PPT1: variants seen among roughly 807,000 people sequenced by gnomAD.
PPT1 encodes ceroid-palmitoyl-palmitoyl-protein thioesterase 1.
A neutral mutation model predicts 44.0 loss-of-function variants in PPT1; 24 were observed. That is an observed-to-expected ratio of 0.54 (90% confidence interval 0.39 to 0.77). The LOEUF is 0.77. Ranked by LOEUF, PPT1 falls within the 30% of genes least tolerant of loss-of-function variation. The pLI, the probability that PPT1 is intolerant of heterozygous loss-of-function variation, is 0.00. For synonymous variants in PPT1, 148 were observed against 140.2 expected (o/e 1.06, Z -0.39); for missense variants, 341 against 378.8 (o/e 0.90, Z 0.83).
At chr1:40,079,438 C>T (rs552068879) in intron 6 of PPT1, among the ~76,000 whole-genome samples, 21 of 144,416 alleles carry the variant, frequency 1.5e-4, no homozygotes, top group African/African-American at 3.6e-4. Flanking sequence ...GCTCTGTCAC[C>T]GAGGCCAGAG....
chr1:40,095,630 T>C (rs1265215154), intron 1 of PPT1, among the ~76,000 whole-genome samples: 1 of 152,196 alleles, frequency 6.6e-6, no homozygotes, highest in Admixed American at 6.5e-5. Flanking sequence ...GAGTCATCTT[T>C]GGCTCCTTTC....
intron 4 of PPT1, 59 bp downstream of exon 4, chr1:40,091,269 TA>T (rs1477688535): frequency 8.0e-5 from 120 of 1,497,394 alleles, no homozygotes; most frequent in Non-Finnish European, 9.9e-5. Flanking sequence ...GATTTTTTTT[TA>T]AATCAGGTGG....
In PPT1 at chr1:40,074,198, G is replaced by C; in HGVS notation, c.799-15C>G. 2.5e-6 allele frequency: 4 copies of C among 1,613,864 alleles called. No homozygotes were observed. The highest frequency in any genetic ancestry group is 3.4e-6 in the Non-Finnish European group (4 of 1,179,904). On this transcript the variant is annotated splice_polypyrimidine_tract_variant and intron_variant, in intron 8 of 8. Transcript: ENST00000642050. ...CCCAGGCGGTCCTGCAGAAGGAAAG[G>C]CCATAATTAATTAAAAAGCTTAATG...
Position 40,092,031 on chromosome 1 carries a change from A to G in PPT1, c.362+14T>C. 1 of 1,613,916 alleles carries G rather than the reference A, an allele frequency of 6.2e-7. No individual in the cohort carries two copies. Among genetic ancestry groups the G allele is most frequent in the Non-Finnish European group, 8.5e-7 (1 of 1,179,868 alleles). On this transcript the variant is annotated intron_variant, in intron 3 of 8. Transcript: ENST00000642050. ...TTCCATATAAGTGGTACAATATAAC[A>G]AAAAGGAACGTACAGAAATTGGCCT...
At chr1:40,088,707 C>G (rs542822434) in intron 5 of PPT1, among the ~76,000 whole-genome samples, 1 of 152,150 alleles carries the variant, frequency 6.6e-6, no homozygotes, top group African/African-American at 2.4e-5. Flanking sequence ...TTATGCCAGG[C>G]TGGCCATGCT....
chr1:40,094,925 C>T (rs2124491598), intron 1 of PPT1, among the ~76,000 whole-genome samples: 1 of 152,288 alleles, frequency 6.6e-6, no homozygotes, highest in African/African-American at 2.4e-5. Flanking sequence ...CTTTTGACCC[C>T]ACTGTAGTAG....
chr1:40,081,180 T>C (rs1011563915), intron 5 of PPT1, among the ~76,000 whole-genome samples: 2 of 152,054 alleles, frequency 1.3e-5, no homozygotes, highest in East Asian at 1.9e-4. Context: ...ATTACAGGGG[T>C]GGGTCTTTCC....
intron 5 of PPT1, among the ~76,000 whole-genome samples, chr1:40,085,102 C>T (rs3131652): frequency 0.78 from 119,179 of 152,140 alleles, 46,890 homozygotes; most frequent in East Asian, 0.87. Context: ...TCCGGAGGCC[C>T]AACCATCTCC....
At chr1:40,093,963 C>T (rs1649711831) in intron 1 of PPT1, 5 of 715,358 alleles carry the variant, frequency 7.0e-6, no homozygotes, top group Non-Finnish European at 1.3e-5. Context: ...TAAGACGAGG[C>T]AGGAGGATTG....
intron 5 of PPT1, among the ~76,000 whole-genome samples, chr1:40,087,675 T>C (rs889788095): frequency 1.3e-5 from 2 of 152,042 alleles, no homozygotes; most frequent in African/African-American, 4.8e-5. Context: ...TGGAGGCAAC[T>C]GGGCAAGAGT....
Position 40,073,932 on chromosome 1 carries a change from C to A in PPT1, c.*129G>T, listed in dbSNP as rs1648419240. The A allele has an allele frequency of 8.2e-7, 1 of 1,215,994 alleles. No homozygotes were observed. Among genetic ancestry groups the A allele is most frequent in the African/African-American group, 1.5e-5 (1 of 66,854 alleles). The allele number at this position is 1,215,994 out of a possible 1,614,324, so 75.3% of individuals were successfully genotyped here. On this transcript the variant is annotated 3_prime_UTR_variant, in exon 9 of 9. Transcript: ENST00000642050. Reference sequence around the variant, plus strand: ...AGATCTTAGATCTTTCCAAGTAGGGCATGTTAGATGATAGAAGGATTAGTT... The same window carrying A: ...AGATCTTAGATCTTTCCAAGTAGGGAATGTTAGATGATAGAAGGATTAGTT...
At chr1:40,076,965 G>A in intron 7 of PPT1, 52 bp from the exon 8 acceptor site, 1 of 1,597,228 alleles carries the variant, frequency 6.3e-7, no homozygotes. Context: ...AGCACATACT[G>A]CCAAAATAAT....
At chr1:40,081,967 A>T (rs1648965304) in intron 5 of PPT1, among the ~76,000 whole-genome samples, 1 of 152,226 alleles carries the variant, frequency 6.6e-6, no homozygotes, top group Non-Finnish European at 1.5e-5. Flanking sequence ...AATAAGGTCC[A>T]GGCTGAGGTA....
intron 7 of PPT1, among the ~76,000 whole-genome samples, chr1:40,078,008 T>TTATA (rs1376163714): frequency 6.6e-6 from 1 of 152,168 alleles, no homozygotes; most frequent in Non-Finnish European, 1.5e-5. Flanking sequence ...TGGATTAAAA[T>TTATA]TATAGATCCT....
In PPT1 at chr1:40,092,473, A is replaced by G. The variant is rs1340441165; in HGVS notation, c.159T>C (p.Ala53=). 2 of 1,613,752 alleles carry G rather than the reference A, an allele frequency of 1.2e-6. No homozygotes were observed. Among genetic ancestry groups the G allele is most frequent in the Non-Finnish European group, 1.7e-6 (2 of 1,179,726 alleles). ...DSCCNPLSMG[A]IKKMVEKKIP... ...TTTTCTTCTCCACCATTTTTTTAAT[A>G]GCACCCATGCTTAAGGGATTGCAAC... is the stretch of plus-strand genomic sequence containing the variant. Residue 53 remains alanine (A), a synonymous_variant, in exon 2 of 9, where the codon GCT becomes GCC. Coordinates refer to ENST00000642050, the MANE Select transcript of PPT1 (RefSeq NM_000310.4).
intron 5 of PPT1, among the ~76,000 whole-genome samples, chr1:40,083,822 A>T (rs1649112750): frequency 6.6e-6 from 1 of 152,136 alleles, no homozygotes; most frequent in Non-Finnish European, 1.5e-5. Context: ...GAGGAGGGAA[A>T]ATCAGTGGAG....
intron 8 of PPT1, among the ~76,000 whole-genome samples, chr1:40,075,455 T>A (rs1018715712): frequency 6.7e-6 from 1 of 149,814 alleles, no homozygotes; most frequent in African/African-American, 2.5e-5. Flanking sequence ...GTAAGGAAGT[T>A]CTTAGCTGTA....
Position 40,081,955 on chromosome 1 carries a change from A to T in PPT1, c.537-1468T>A, listed in dbSNP as rs776647975. Among the ~76,000 whole-genome samples, 11 of 152,290 alleles carry T rather than the reference A, an allele frequency of 7.2e-5. No homozygotes were observed. In the South Asian group the frequency reaches 1.2e-3, roughly 17 times the overall value. ...GACCAAAAGCCTGATAGTGATATAG[A>T]CAATAAGGTCCAGGCTGAGGTAGTC... On this transcript the variant is annotated intron_variant, in intron 5 of 8. Coordinates refer to ENST00000642050, the MANE Select transcript of PPT1 (RefSeq NM_000310.4).
Position 40,097,197 on chromosome 1 carries a change from GAGAGCCACAGCCA to G in PPT1, c.29_41del (p.Leu10SerfsTer23), listed in dbSNP as rs762226836. ...CCCGAGAAGCGCAGGTCCATGGCAG[GAGAGCCACAGCCA>G]AGAGCCACAGGCAGCCGGGCGACGC... On this transcript the variant is annotated frameshift_variant, in exon 1 of 9. Transcript: ENST00000642050. LOFTEE classifies it high-confidence loss of function. 6.2e-7 allele frequency: 1 copy of G among 1,614,088 alleles called. No individual in the cohort carries two copies. Among genetic ancestry groups the G allele is most frequent in the Non-Finnish European group, 8.5e-7 (1 of 1,179,956 alleles).
Sources: allele counts gnomAD v4.1 joint callset (sites outside exome capture counted in the v4.1 genomes callset), GRCh38; gene constraint gnomAD v4.1.1; transcripts MANE v1.5; gene names NCBI Gene and HGNC (gene_info 2026-07-23, HGNC 2026-07-21).